SOX5: variants seen among roughly 807,000 people sequenced by gnomAD.
The protein encoded by SOX5 is transcription factor SOX-5.
Under a neutral mutation model 92.0 loss-of-function variants are expected in SOX5, and 9 were observed. The observed-to-expected ratio is 0.10, with a 90% CI of 0.06 to 0.17. SOX5 has a LOEUF of 0.17. SOX5 is among the 10% of genes least tolerant of loss of function. SOX5 has a pLI of 1.00. For synonymous variants in SOX5, 344 were observed against 336.3 expected, an observed-to-expected ratio of 1.02 and a Z score of -0.25; for missense variants, 642 against 944.5, an observed-to-expected ratio of 0.68 and a Z score of 4.20.
intron 3 of SOX5, among the ~76,000 whole-genome samples, chr12:23,809,911 G>A (rs1381790565): frequency 6.6e-6 from 1 of 151,754 alleles, no homozygotes; most frequent in East Asian, 1.9e-4. Context: ...AAATTATATA[G>A]TAAATGCCTC....
intron 1 of SOX5, among the ~76,000 whole-genome samples, chr12:24,548,482 C>T (rs994873818): frequency 1.3e-5 from 2 of 152,100 alleles, no homozygotes; most frequent in Non-Finnish European, 2.9e-5. Context: ...GAGGTGAAGG[C>T]AAGTATGTAT....
At chr12:24,419,025 C>T (rs1292085875) in intron 1 of SOX5, among the ~76,000 whole-genome samples, 1 of 152,178 alleles carries the variant, frequency 6.6e-6, no homozygotes, top group Non-Finnish European at 1.5e-5. Flanking sequence ...AATTATAGCA[C>T]AACAAATGTT....
chr12:24,140,219 G>A (rs537758663), intron 4 of SOX5, among the ~76,000 whole-genome samples: 17 of 152,146 alleles, frequency 1.1e-4, no homozygotes, highest in Non-Finnish European at 2.1e-4. Flanking sequence ...TACATACACC[G>A]TCAAAGATAG....
chr12:23,597,873 A>T (rs1018918278), intron 9 of SOX5, among the ~76,000 whole-genome samples: 4 of 152,216 alleles, frequency 2.6e-5, no homozygotes, highest in African/African-American at 9.6e-5. Context: ...GATACTGTTA[A>T]GATTAGAAAA....
At chr12:24,181,558 C>T (rs1955499715) in intron 4 of SOX5, among the ~76,000 whole-genome samples, 1 of 152,132 alleles carries the variant, frequency 6.6e-6, no homozygotes, top group Admixed American at 6.5e-5. Flanking sequence ...TCTTGGGTCT[C>T]AATTTCCTCC....
intron 8 of SOX5, among the ~76,000 whole-genome samples, chr12:23,605,804 A>G (rs1592505341): frequency 6.6e-6 from 1 of 152,154 alleles, no homozygotes; most frequent in East Asian, 1.9e-4. Context: ...ACTATAACCT[A>G]AATAAAAATA....
intron 4 of SOX5, among the ~76,000 whole-genome samples, chr12:24,063,506 C>A (rs1409907688): frequency 2.0e-5 from 3 of 152,204 alleles, no homozygotes; most frequent in South Asian, 2.1e-4. Context: ...AGTATTAATT[C>A]ATTTGCCACT....
In SOX5 at chr12:24,390,393, A is replaced by G. The variant is rs573709533; in HGVS notation, c.-250-21754T>C. On this transcript the variant is annotated intron_variant, in intron 1 of 4. Transcript: ENST00000446891. ...AACCAGAATATTTTGACAGTTGAAA[A>G]TTAAACCTGTAATTGACCAATGAAT... 1.1e-3 allele frequency among the ~76,000 whole-genome samples: 163 copies of G among 152,322 alleles called. 1 individual carries two copies. The highest frequency in any genetic ancestry group is 1.8e-3 in the Non-Finnish European group (122 of 68,014).
intron 3 of SOX5, among the ~76,000 whole-genome samples, chr12:23,780,097 A>G (rs1285054996): frequency 6.6e-6 from 1 of 151,532 alleles, no homozygotes; most frequent in Non-Finnish European, 1.5e-5. Flanking sequence ...TTTTATTCTA[A>G]TAAAGATTGA....
At chr12:23,647,848 A>G (rs1383736540) in intron 7 of SOX5, among the ~76,000 whole-genome samples, 2 of 152,064 alleles carry the variant, frequency 1.3e-5, no homozygotes, top group Admixed American at 6.6e-5. Context: ...TATTTCAACT[A>G]CTCAAACTTC....
chr12:23,610,527 C>T (rs1020016109), intron 8 of SOX5, among the ~76,000 whole-genome samples: 6 of 151,994 alleles, frequency 3.9e-5, no homozygotes, highest in African/African-American at 7.2e-5. Flanking sequence ...TGAACAAATG[C>T]AGAAAATGAC....
At chr12:23,761,490 TG>T (rs1223950758) in intron 3 of SOX5, among the ~76,000 whole-genome samples, 1 of 152,140 alleles carries the variant, frequency 6.6e-6, no homozygotes, top group Non-Finnish European at 1.5e-5. Flanking sequence ...ACCGTGTGTA[TG>T]GCTCAATACG....
intron 3 of SOX5, among the ~76,000 whole-genome samples, chr12:24,245,948 T>A (rs189241795): frequency 9.8e-5 from 15 of 152,298 alleles, no homozygotes; most frequent in Admixed American, 7.8e-4. Flanking sequence ...TTTTTACTTA[T>A]CCAAGGCAGA....
At position 23,787,099 on chromosome 12, in the gene SOX5, G is replaced by A. The variant is rs1467407118; in HGVS notation, c.482-31375C>T. 1.1e-4 allele frequency among the ~76,000 whole-genome samples: 14 copies of A among 122,000 alleles called. 4 individuals carry two copies. Among genetic ancestry groups the A allele is most frequent in the African/African-American group, 3.7e-4 (14 of 38,286 alleles). The allele number at this position is 122,000 out of a possible 152,430, so 80.0% of individuals were successfully genotyped here. On this transcript the variant is annotated intron_variant, in intron 3 of 14. Coordinates refer to ENST00000451604, the MANE Select transcript of SOX5 (RefSeq NM_006940.6). ...ACAGAACTTCTTTTGATCTTAGATG[G>A]AGGAAGGAGTAGAGTATGCATTAGA... is the stretch of plus-strand genomic sequence containing the variant.
intron 1 of SOX5, among the ~76,000 whole-genome samples, chr12:24,540,127 A>G (rs183674827): frequency 1.8e-4 from 27 of 152,252 alleles, no homozygotes; most frequent in Admixed American, 1.6e-3. Flanking sequence ...AAATAAAATT[A>G]TACTGAGATG....
At chr12:24,495,471 G>T (rs1947535095) in intron 1 of SOX5, among the ~76,000 whole-genome samples, 3 of 152,182 alleles carry the variant, frequency 2.0e-5, no homozygotes, top group Admixed American at 6.5e-5. Context: ...TTCACAAGAT[G>T]ATCCTTAGGA....
chr12:23,710,819 G>A (rs2091978821), intron 6 of SOX5, among the ~76,000 whole-genome samples: 1 of 152,182 alleles, frequency 6.6e-6, no homozygotes, highest in East Asian at 1.9e-4. Flanking sequence ...TCGCCACACT[G>A]TCTTCCACAA....
chr12:23,951,653 T>TAC (rs71059949), upstream of SOX5, among the ~76,000 whole-genome samples: 29,285 of 151,478 alleles, frequency 0.19, 3,316 homozygotes, highest in Non-Finnish European at 0.25. Flanking sequence ...AATATATATA[T>TAC]ACACACACAC....
chr12:24,450,282 G>A (rs531805910), intron 1 of SOX5, among the ~76,000 whole-genome samples: 3 of 152,152 alleles, frequency 2.0e-5, no homozygotes, highest in African/African-American at 7.2e-5. Context: ...TTCACTTTCT[G>A]TAACTCAAAC....
Sources: allele counts gnomAD v4.1 joint callset (sites outside exome capture counted in the v4.1 genomes callset), GRCh38; gene constraint gnomAD v4.1.1; transcripts MANE v1.5; gene names NCBI Gene and HGNC (gene_info 2026-07-23, HGNC 2026-07-21).